Variants in LAMA2 observed in about 807,000 individuals in gnomAD.
The protein encoded by LAMA2 is laminin subunit alpha 2.
LAMA2 carries 269 observed loss-of-function variants against 364.8 expected under a neutral mutation model. That is an observed-to-expected ratio of 0.74 (90% CI 0.67 to 0.82). LAMA2 has a LOEUF of 0.82. LAMA2 is among the 40% of genes least tolerant of loss of function. The pLI is 0.00. For missense variants in LAMA2, 3,807 were observed against 3,873.2 expected, an observed-to-expected ratio of 0.98 and a Z score of 0.45; for synonymous variants, 1,379 against 1,370.6, an observed-to-expected ratio of 1.01 and a Z score of -0.14.
chr6:128,971,642 C>A (rs992625873), intron 1 of LAMA2, among the ~76,000 whole-genome samples: 12 of 152,156 alleles, frequency 7.9e-5, no homozygotes, highest in African/African-American at 1.2e-4. Context: ...AAAAAGTCCT[C>A]TCAGAAGATA....
intron 4 of LAMA2, among the ~76,000 whole-genome samples, chr6:129,140,778 CACA>C (rs1460753002): frequency 6.6e-6 from 1 of 152,010 alleles, no homozygotes; most frequent in Admixed American, 6.6e-5. Flanking sequence ...GGAAGCTGCA[CACA>C]ACATCGCCAA....
chr6:129,335,957 TA>T (rs1350039465), intron 29 of LAMA2, among the ~76,000 whole-genome samples: 1 of 152,162 alleles, frequency 6.6e-6, no homozygotes, highest in Non-Finnish European at 1.5e-5. Context: ...CAAAAGTGAC[TA>T]GGGGTCATGT....
intron 37 of LAMA2, among the ~76,000 whole-genome samples, chr6:129,400,106 C>T (rs909153230): frequency 6.6e-6 from 1 of 152,156 alleles, no homozygotes; most frequent in African/African-American, 2.4e-5. Context: ...TGATGAGGGA[C>T]CACTTTCTGG....
chr6:129,263,984 T>A (rs1439359002), intron 15 of LAMA2, among the ~76,000 whole-genome samples: 1 of 152,072 alleles, frequency 6.6e-6, no homozygotes, highest in Non-Finnish European at 1.5e-5. Flanking sequence ...GCTCAAGCAA[T>A]CCTCCCACCT....
intron 15 of LAMA2, among the ~76,000 whole-genome samples, chr6:129,261,176 AT>A (rs558877302): frequency 2.4e-4 from 36 of 148,254 alleles, no homozygotes; most frequent in African/African-American, 4.4e-4. Context: ...TTAGCACTCT[AT>A]TTTTTTTTTA....
chr6:129,215,442 CT>C (rs1303295469), intron 12 of LAMA2, among the ~76,000 whole-genome samples: 1 of 152,162 alleles, frequency 6.6e-6, no homozygotes, highest in Non-Finnish European at 1.5e-5. Context: ...TGAAAAATAA[CT>C]GCAGATACTG....
At chr6:129,220,413 G>A (rs1033488764) in intron 12 of LAMA2, among the ~76,000 whole-genome samples, 1 of 152,130 alleles carries the variant, frequency 6.6e-6, no homozygotes, top group Non-Finnish European at 1.5e-5. Flanking sequence ...GTCAACAAGT[G>A]AGGAATTAAC....
intron 1 of LAMA2, among the ~76,000 whole-genome samples, chr6:128,930,213 T>C (rs1779379683): frequency 1.3e-5 from 2 of 152,248 alleles, no homozygotes; most frequent in South Asian, 2.1e-4. Context: ...CTGGTTGCCG[T>C]GGCCTCTATT....
chr6:129,345,507 T>C (rs1057359300), intron 30 of LAMA2, among the ~76,000 whole-genome samples: 3 of 152,224 alleles, frequency 2.0e-5, no homozygotes, highest in African/African-American at 2.4e-5. Flanking sequence ...TTTTCATTTT[T>C]GTTTCATTGT....
intron 9 of LAMA2, among the ~76,000 whole-genome samples, chr6:129,176,586 ATAAT>A (rs1780607818): frequency 6.6e-6 from 1 of 152,044 alleles, no homozygotes; most frequent in African/African-American, 2.4e-5. Context: ...TTTTGTACTG[ATAAT>A]TAGTGCTTAT....
At chr6:129,052,206 G>C (rs1788107566) in intron 2 of LAMA2, among the ~76,000 whole-genome samples, 1 of 149,648 alleles carries the variant, frequency 6.7e-6, no homozygotes, top group South Asian at 2.1e-4. Flanking sequence ...CGCGATCTCG[G>C]CTCACTGCAA....
intron 35 of LAMA2, among the ~76,000 whole-genome samples, chr6:129,388,255 CAA>C (rs71028157): frequency 7.2e-6 from 1 of 138,446 alleles, no homozygotes. Flanking sequence ...GACTCCATCT[CAA>C]AAAAAAAAAA....
At chr6:128,992,877 G>C (rs932501429) in intron 1 of LAMA2, among the ~76,000 whole-genome samples, 1 of 152,060 alleles carries the variant, frequency 6.6e-6, no homozygotes, top group Non-Finnish European at 1.5e-5. Context: ...TGAAGAGAAA[G>C]CTATAACTAA....
chr6:128,920,812 C>T (rs1778661301), intron 1 of LAMA2, among the ~76,000 whole-genome samples: 1 of 151,928 alleles, frequency 6.6e-6, no homozygotes, highest in South Asian at 2.1e-4. Flanking sequence ...TTGACATCTG[C>T]TCTTGACTTT....
intron 17 of LAMA2, among the ~76,000 whole-genome samples, chr6:129,275,216 C>T (rs776696101): frequency 3.9e-5 from 6 of 151,952 alleles, no homozygotes; most frequent in Non-Finnish European, 8.8e-5. Context: ...CAGCCATATT[C>T]TCTAGAAAAT....
intron 1 of LAMA2, among the ~76,000 whole-genome samples, chr6:128,933,206 C>A (rs1231500718): frequency 1.3e-5 from 2 of 151,296 alleles, no homozygotes; most frequent in African/African-American, 4.9e-5. Flanking sequence ...TAATATTCCT[C>A]TATCTCCCTC....
At chr6:128,980,984 T>C (rs1470706605) in intron 1 of LAMA2, among the ~76,000 whole-genome samples, 1 of 152,192 alleles carries the variant, frequency 6.6e-6, no homozygotes, top group Non-Finnish European at 1.5e-5. Context: ...CAGTTACAAT[T>C]GTAATTGTCA....
intron 9 of LAMA2, among the ~76,000 whole-genome samples, chr6:129,176,251 T>C (rs1203792846): frequency 6.6e-6 from 1 of 151,986 alleles, no homozygotes; most frequent in African/African-American, 2.4e-5. Flanking sequence ...TGCATAAAAT[T>C]CTCTCATCAT....
At chr6:128,947,532 A>T (rs1336204363) in intron 1 of LAMA2, among the ~76,000 whole-genome samples, 3 of 152,224 alleles carry the variant, frequency 2.0e-5, no homozygotes, top group Non-Finnish European at 4.4e-5. Context: ...ATACATAGGA[A>T]AGAGGTTGGA....
Sources: allele counts gnomAD v4.1 joint callset (sites outside exome capture counted in the v4.1 genomes callset), GRCh38; gene constraint gnomAD v4.1.1; transcripts MANE v1.5; gene names NCBI Gene and HGNC (gene_info 2026-07-23, HGNC 2026-07-21).